The following CA1 variants were observed in gnomAD, a reference collection of about 807,000 sequenced individuals.
The protein encoded by CA1 is carbonate dehydratase I.
Under a neutral mutation model 28.8 loss-of-function variants are expected in CA1, and 27 were observed. The observed-to-expected ratio is 0.94, with a 90% CI of 0.69 to 1.29. The LOEUF is 1.29. Ranked by LOEUF, CA1 falls within the 50% of genes most tolerant of loss-of-function variation. CA1 has a pLI of 0.00. For missense variants in CA1, 335 were observed against 310.5 expected (o/e 1.08, Z -0.59); for synonymous variants, 121 against 108.8 (o/e 1.11, Z -0.70).
Position 85,337,718 on chromosome 8 carries a change from A to T in CA1, c.235+534T>A, listed in dbSNP as rs899963251. Among the ~76,000 whole-genome samples, 17 of 152,288 alleles carry T rather than the reference A, an allele frequency of 1.1e-4. 1 individual carries two copies. Among genetic ancestry groups the T allele is most frequent in the Middle Eastern group, 6.8e-3 (2 of 294 alleles). ...TTTAGGCCTCAGAAACTCATAAACAAATTTAGCATTTTAAATCAGTAGAAC... is the reference window on the plus strand; with the variant it reads ...TTTAGGCCTCAGAAACTCATAAACATATTTAGCATTTTAAATCAGTAGAAC... On this transcript the variant is annotated intron_variant, in intron 3 of 7. Coordinates refer to ENST00000523022, the MANE Select transcript of CA1 (RefSeq NM_001128831.4).
chr8:85,342,021 A>G (rs929129245), intron 1 of CA1, among the ~76,000 whole-genome samples: 3 of 152,064 alleles, frequency 2.0e-5, no homozygotes, highest in Admixed American at 6.6e-5. Flanking sequence ...AAGATTTCCA[A>G]CTCTACCTTT....
At chr8:85,374,587 A>T (rs185867754) in intron 1 of CA1, among the ~76,000 whole-genome samples, 8 of 152,322 alleles carry the variant, frequency 5.3e-5, no homozygotes, top group African/African-American at 1.7e-4. Flanking sequence ...ACCTGTCTTA[A>T]CTAGGTTTTC....
intron 6 of CA1, among the ~76,000 whole-genome samples, chr8:85,331,218 T>G (rs887184681): frequency 2.0e-5 from 3 of 152,166 alleles, no homozygotes; most frequent in African/African-American, 7.2e-5. Context: ...CCATTTTATC[T>G]AAATTTTCAA....
chr8:85,351,210 T>C (rs1257932992), intron 1 of CA1, among the ~76,000 whole-genome samples: 1 of 152,202 alleles, frequency 6.6e-6, no homozygotes, highest in African/African-American at 2.4e-5. Context: ...CAAGGGAGCA[T>C]TGACTGTTTA....
intron 2 of CA1, among the ~76,000 whole-genome samples, chr8:85,339,307 T>C (rs1465014347): frequency 6.6e-6 from 1 of 152,236 alleles, no homozygotes; most frequent in Non-Finnish European, 1.5e-5. Context: ...TCTCACAATA[T>C]TTTAAACTTT....
chr8:85,368,328 CG>C (rs1356033277), intron 1 of CA1, among the ~76,000 whole-genome samples: 1 of 151,728 alleles, frequency 6.6e-6, no homozygotes, highest in African/African-American at 2.4e-5. Context: ...CCACCATGCC[CG>C]GGTAATTTTT....
chr8:85,358,344 A>G (rs1450406565), intron 1 of CA1, among the ~76,000 whole-genome samples: 1 of 152,096 alleles, frequency 6.6e-6, no homozygotes, highest in Non-Finnish European at 1.5e-5. Flanking sequence ...ACTTTGGCCA[A>G]TCACTTTCTA....
intron 1 of CA1, among the ~76,000 whole-genome samples, chr8:85,348,086 C>T (rs1382678114): frequency 6.6e-6 from 1 of 152,076 alleles, no homozygotes; most frequent in Non-Finnish European, 1.5e-5. Flanking sequence ...ATCCTAAATG[C>T]TATTTTCTTG....
At chr8:85,365,504 T>C (rs1809970472) in intron 1 of CA1, among the ~76,000 whole-genome samples, 1 of 152,220 alleles carries the variant, frequency 6.6e-6, no homozygotes, top group African/African-American at 2.4e-5. Context: ...AAGCCAAATA[T>C]GGACTTTGTG....
intron 1 of CA1, among the ~76,000 whole-genome samples, chr8:85,375,421 A>C (rs906396049): frequency 1.3e-5 from 2 of 152,172 alleles, no homozygotes; most frequent in African/African-American, 2.4e-5. Context: ...TTAACAGCAC[A>C]GCTCTGCCCA....
intron 1 of CA1, among the ~76,000 whole-genome samples, chr8:85,368,981 G>GC (rs1372826411): frequency 6.6e-6 from 1 of 152,060 alleles, no homozygotes; most frequent in Admixed American, 6.6e-5. Context: ...CTCGAAAAAA[G>GC]CTTCCCTTGC....
chr8:85,364,145 A>G (rs924317406), intron 1 of CA1, among the ~76,000 whole-genome samples: 4 of 151,928 alleles, frequency 2.6e-5, no homozygotes, highest in African/African-American at 9.7e-5. Context: ...CTGGCTATTA[A>G]CCCCAAATTT....
intron 5 of CA1, 106 bp from the exon 6 acceptor site, chr8:85,332,658 G>A (rs1808458084): frequency 1.3e-6 from 1 of 798,848 alleles, no homozygotes; most frequent in Admixed American, 2.0e-5. Context: ...AAGAGGTAAG[G>A]TATTTTCTCT....
intron 1 of CA1, among the ~76,000 whole-genome samples, chr8:85,360,562 A>G (rs1809753572): frequency 6.6e-6 from 1 of 152,104 alleles, no homozygotes; most frequent in Admixed American, 6.5e-5. Context: ...GCGTGGTGGC[A>G]TGTGCCTGTA....
intron 1 of CA1, among the ~76,000 whole-genome samples, chr8:85,364,706 T>G (rs1174435436): frequency 6.6e-6 from 1 of 152,166 alleles, no homozygotes; most frequent in Non-Finnish European, 1.5e-5. Flanking sequence ...TGCCAGAATC[T>G]TAGTACACTA....
intron 1 of CA1, among the ~76,000 whole-genome samples, chr8:85,361,909 T>C (rs774360853): frequency 6.6e-5 from 10 of 152,178 alleles, no homozygotes; most frequent in South Asian, 2.1e-4. Flanking sequence ...ATCTTTATGG[T>C]ATTGAGTTTA....
At chr8:85,366,609 T>C (rs1306701434) in intron 1 of CA1, among the ~76,000 whole-genome samples, 2 of 152,190 alleles carry the variant, frequency 1.3e-5, no homozygotes, top group African/African-American at 4.8e-5. Flanking sequence ...ATATTCCACT[T>C]TTAGGAGTCT....
At chr8:85,370,819 TTTC>T (rs773921725) in intron 1 of CA1, among the ~76,000 whole-genome samples, 3 of 152,220 alleles carry the variant, frequency 2.0e-5, no homozygotes, top group Admixed American at 6.5e-5. Context: ...CAATTTCAAA[TTTC>T]TTCTTATCAG....
intron 1 of CA1, among the ~76,000 whole-genome samples, chr8:85,364,487 G>C (rs1264449705): frequency 6.6e-6 from 1 of 152,274 alleles, no homozygotes; most frequent in East Asian, 1.9e-4. Context: ...CTCTTCAGTA[G>C]ATAATCAAAC....
Sources: allele counts gnomAD v4.1 joint callset (sites outside exome capture counted in the v4.1 genomes callset), GRCh38; gene constraint gnomAD v4.1.1; transcripts MANE v1.5; gene names NCBI Gene and HGNC (gene_info 2026-07-23, HGNC 2026-07-21).